CRISP2: variants seen among roughly 807,000 people sequenced by gnomAD.
CRISP2 encodes cysteine rich secretory protein 2, also known as cysteine-rich secretory protein 2.
Under a neutral mutation model 31.7 loss-of-function variants are expected in CRISP2, and 29 were observed. The observed-to-expected ratio is 0.92, with a 90% confidence interval of 0.68 to 1.25. The LOEUF is 1.25. CRISP2 is among the 50% of genes most tolerant of loss of function. CRISP2 has a pLI of 0.00. For synonymous variants in CRISP2, 111 were observed against 101.4 expected (o/e 1.09, Z -0.57); for missense variants, 318 against 286.5 (o/e 1.11, Z -0.79).
At chr6:49,698,231 C>T (rs756737047) in intron 7 of CRISP2, 131 bp downstream of exon 7, 30 of 1,075,486 alleles carry the variant, frequency 2.8e-5, no homozygotes, top group Non-Finnish European at 4.0e-5. Context: ...TCTACAACAG[C>T]CAAATGCCAA....
chr6:49,695,736 T>C, intron 9 of CRISP2, 100 bp downstream of exon 9: 1 of 999,452 alleles, frequency 1.0e-6, no homozygotes, highest in Non-Finnish European at 1.5e-6. Flanking sequence ...ACCAATACAT[T>C]ATTTCAATTC....
chr6:49,710,734 TTG>T (rs1298647263), intron 3 of CRISP2, among the ~76,000 whole-genome samples: 12 of 152,098 alleles, frequency 7.9e-5, no homozygotes, highest in Non-Finnish European at 1.8e-4. Flanking sequence ...TCAAATTTTT[TTG>T]TGTGTGTGCG....
At chr6:49,682,573 T>TTC in the CRISP2 span, among the ~76,000 whole-genome samples, 1 of 105,838 alleles carries the variant, frequency 9.4e-6, no homozygotes, top group East Asian at 3.0e-4. Context: ...CTTTCTTTCT[T>TTC]TTTCTTTCTT....
At position 49,695,523 on chromosome 6, in the gene CRISP2, T is replaced by C. The variant is rs144942249; in HGVS notation, c.604+313A>G. Among the ~76,000 whole-genome samples, 907 of 152,302 alleles carry C rather than the reference T, an allele frequency of 6.0e-3. 8 individuals carry two copies. The highest frequency in any genetic ancestry group is 0.018 in the African/African-American group (740 of 41,570). ...AAATACCACTTTTGGTATAGTGATATGAACTTTGAGAATTGAACTATTTAC... is the reference window on the plus strand; with the variant it reads ...AAATACCACTTTTGGTATAGTGATACGAACTTTGAGAATTGAACTATTTAC... On this transcript the variant is annotated intron_variant, in intron 9 of 9. Transcript: ENST00000339139.
chr6:49,709,182 C>T lies in CRISP2; in HGVS notation c.15G>A (p.Pro5=), dbSNP rs142085951. The T allele has an allele frequency of 6.6e-5, 107 of 1,613,456 alleles. No individual in the cohort carries two copies. Among genetic ancestry groups the T allele is most frequent in the East Asian group, 6.0e-4 (27 of 44,856 alleles). The part of the protein sequence containing the change: MALL[P]VLFLVTVLLP... ...GCAGCACAGTAACCAGAAACAACAC[C>T]GGTAGTAAAGCCATTGCTGGAAACT... is the stretch of plus-strand genomic sequence containing the variant. The change falls in exon 4 of 10, where the codon CCG becomes CCA. Residue 5 remains proline (P), a synonymous_variant. Coordinates refer to ENST00000339139, the MANE Select transcript of CRISP2 (RefSeq NM_003296.4).
chr6:49,700,818 C>A (rs1765538646), intron 4 of CRISP2, 34 bp from the exon 5 acceptor site: 2 of 1,321,370 alleles, frequency 1.5e-6, no homozygotes, highest in East Asian at 2.3e-5. Context: ...TATTATTTAA[C>A]AATATTGTAA....
In CRISP2 at chr6:49,699,878, T is replaced by C. The variant is rs748945767; in HGVS notation, c.197A>G (p.Glu66Gly). Residue 66 changes from glutamate to glycine, a missense_variant, in exon 6 of 10, where the codon GAG becomes GGG. Coordinates refer to ENST00000339139, the MANE Select transcript of CRISP2 (RefSeq NM_003296.4). ...SNMLKMEWSR[E>G]VTTNAQRWAN... ...CCACCTTTGGGCATTCGTTGTTACC[T>C]CTCTGCTCCATTCCTAAACGTCACA... The C allele has an allele frequency of 6.2e-7, 1 of 1,612,500 alleles. No homozygotes were observed.
In CRISP2 at chr6:49,697,833, C is replaced by T; in HGVS notation, c.515+27G>A. 1.9e-6 allele frequency: 3 copies of T among 1,603,854 alleles called. No homozygotes were observed. The Middle Eastern group carries it at 5.0e-4, about 266-fold the overall frequency. On this transcript the variant is annotated intron_variant, in intron 8 of 9. Coordinates refer to ENST00000339139, the MANE Select transcript of CRISP2 (RefSeq NM_003296.4). Reference sequence around the variant, plus strand: ...AAATAAATTGCAGATAGAATTATTGCCATTAAACTCTAAACAGTCTACTTA... The same window carrying T: ...AAATAAATTGCAGATAGAATTATTGTCATTAAACTCTAAACAGTCTACTTA...
the CRISP2 span, among the ~76,000 whole-genome samples, chr6:49,679,949 A>G: frequency 5.1e-4 from 78 of 152,184 alleles, no homozygotes; most frequent in African/African-American, 1.9e-3. Context: ...CAGGTGATCC[A>G]CCAGCTGTGG....
chr6:49,700,214 T>C (rs556382459), intron 5 of CRISP2, among the ~76,000 whole-genome samples: 1 of 152,182 alleles, frequency 6.6e-6, no homozygotes, highest in Non-Finnish European at 1.5e-5. Context: ...TATATTTTAA[T>C]AGTAATAAGA....
chr6:49,701,691 ATGTATACATT>A, intron 4 of CRISP2, among the ~76,000 whole-genome samples: 2 of 113,440 alleles, frequency 1.8e-5, no homozygotes, highest in African/African-American at 7.9e-5. Context: ...TACATTATAT[ATGTATACATT>A]ATGTATACAT....
At chr6:49,702,117 G>A (rs1396309225) in intron 4 of CRISP2, among the ~76,000 whole-genome samples, 2 of 12,430 alleles carry the variant, frequency 1.6e-4, no homozygotes, top group Admixed American at 1.9e-3. Flanking sequence ...ACTTATATAT[G>A]TATACATTAT....
downstream of CRISP2, among the ~76,000 whole-genome samples, chr6:49,689,664 A>T (rs1444432011): frequency 6.6e-6 from 1 of 152,148 alleles, no homozygotes; most frequent in Non-Finnish European, 1.5e-5. Flanking sequence ...ATTTTTAGGA[A>T]TAAGTTTTAT....
chr6:49,697,435 G>C (rs935840218), intron 8 of CRISP2, among the ~76,000 whole-genome samples: 25 of 145,786 alleles, frequency 1.7e-4, no homozygotes, highest in African/African-American at 7.0e-4. Context: ...TTTTACATAA[G>C]CAGAAGTAGG....
intron 4 of CRISP2, among the ~76,000 whole-genome samples, chr6:49,702,849 G>T (rs11755294): frequency 6.6e-6 from 1 of 151,932 alleles, no homozygotes; most frequent in South Asian, 2.1e-4. Flanking sequence ...TTTGCTTTTG[G>T]GTTCTTGGTC....
At chr6:49,682,581 CT>C in the CRISP2 span, among the ~76,000 whole-genome samples, 7 of 88,900 alleles carry the variant, frequency 7.9e-5, no homozygotes, top group Non-Finnish European at 1.1e-4. Flanking sequence ...CTTTTTCTTT[CT>C]TTCTTTTTCT....
the CRISP2 span, among the ~76,000 whole-genome samples, chr6:49,685,631 T>C: frequency 6.6e-6 from 1 of 152,204 alleles, no homozygotes; most frequent in Admixed American, 6.5e-5. Flanking sequence ...TCAGAACTAC[T>C]AACTCATGTG....
intron 6 of CRISP2, 67 bp downstream of exon 6, chr6:49,699,737 A>G (rs1216980377): frequency 3.5e-6 from 4 of 1,134,774 alleles, no homozygotes; most frequent in Non-Finnish European, 1.3e-6. Context: ...ATTATAGAGC[A>G]TCCTACAATG....
chr6:49,700,898 C>T (rs1765554505), intron 4 of CRISP2, 114 bp from the exon 5 acceptor site: 1 of 623,062 alleles, frequency 1.6e-6, no homozygotes, highest in South Asian at 2.0e-5. Context: ...AAATAGTTAT[C>T]ATGTACATAT....
Sources: gnomAD v4.1 joint callset for allele counts (sites outside exome capture counted in the v4.1 genomes callset) on GRCh38, gnomAD v4.1.1 for gene constraint, MANE v1.5 for transcripts, NCBI Gene and HGNC (gene_info 2026-07-23, HGNC 2026-07-21) for gene names.